Variants in ZDHHC23 observed in about 807,000 individuals in gnomAD.
ZDHHC23 encodes the protein zDHHC palmitoyltransferase 23, also known as palmitoyltransferase ZDHHC23.
In ZDHHC23, 41 loss-of-function variants were observed where a neutral mutation model predicts 40.2. That is an observed-to-expected ratio of 1.02 (90% CI 0.79 to 1.32). The LOEUF (loss-of-function observed/expected upper bound fraction) is 1.32. Ranked by LOEUF, ZDHHC23 falls within the 40% of genes most tolerant of loss-of-function variation. The pLI is 0.00. For missense variants in ZDHHC23, 471 were observed against 541.5 expected (o/e 0.87, Z 1.29); for synonymous variants, 204 against 210.2 (o/e 0.97, Z 0.26).
At chr3:113,967,501 TATA>T (rs559580123), downstream of ZDHHC23, among the ~76,000 whole-genome samples, 84 of 152,332 alleles carry the variant, frequency 5.5e-4, no homozygotes, top group Non-Finnish European at 9.8e-4. Flanking sequence ...GCTATCTTTT[TATA>T]ATATTTTTAT....
chr3:113,949,553 G>A (rs181729906), intron 2 of ZDHHC23, among the ~76,000 whole-genome samples: 2 of 152,186 alleles, frequency 1.3e-5, no homozygotes, highest in East Asian at 3.9e-4. Flanking sequence ...TCCAAGTGAT[G>A]GAAATTACTA....
At chr3:113,972,215 A>C in the ZDHHC23 span, among the ~76,000 whole-genome samples, 1 of 152,054 alleles carries the variant, frequency 6.6e-6, no homozygotes, top group African/African-American at 2.4e-5. Context: ...TATTGCTATA[A>C]ACTTCTCTCT....
the ZDHHC23 span, chr3:113,978,232 T>C: frequency 6.2e-7 from 1 of 1,614,092 alleles, no homozygotes; most frequent in Non-Finnish European, 8.5e-7. Flanking sequence ...TGAGAATCGA[T>C]CTTCACCTCC....
the ZDHHC23 span, among the ~76,000 whole-genome samples, chr3:113,973,748 T>C: frequency 6.6e-6 from 1 of 152,088 alleles, no homozygotes; most frequent in Non-Finnish European, 1.5e-5. Flanking sequence ...TTTAGGATCC[T>C]CTTTGTCCTT....
chr3:113,953,786 G>A lies in ZDHHC23; in HGVS notation c.248G>A (p.Arg83Lys). Residue 83 changes from arginine to lysine, a missense_variant, in exon 3 of 5, where the codon AGG becomes AAG. By Grantham distance (26) the Arg-to-Lys change is conservative. Transcript: ENST00000638807. ...GATCGCCTCCGAATTCCTTGGCTTA[G>A]GGGAGCCAAAAAAGTGAACATCAGC... ...ISDRLRIPWL[R>K]GAKKVNISII... 1 of 1,614,166 alleles carries A rather than the reference G, an allele frequency of 6.2e-7. No homozygotes were observed. The highest frequency in any genetic ancestry group is 8.5e-7 in the Non-Finnish European group (1 of 1,180,030).
In ZDHHC23 at chr3:113,953,730, G is replaced by C. The variant is rs368428707; in HGVS notation, c.192G>C (p.Glu64Asp). ...RWITCKSLQP[E>D]TCERIMDTIS... ...TTACATGTAAATCTTTACAGCCAGA[G>C]ACTTGTGAAAGAATCATGGATACAA... Residue 64 changes from glutamate to aspartate, a missense_variant, in exon 3 of 5, where the codon GAG (glutamate) becomes GAC (aspartate). This residue lies in a region of ZDHHC23 where 42 missense variants were observed against 73.9 expected (regional missense o/e 0.57). Transcript: ENST00000638807. 8 of 1,613,934 alleles carry C rather than the reference G, an allele frequency of 5.0e-6. No homozygotes were observed. Among genetic ancestry groups the C allele is most frequent in the Admixed American group, 1.7e-5 (1 of 60,006 alleles).
In ZDHHC23 at chr3:113,958,369, T is replaced by C; in HGVS notation, c.1047T>C (p.Ala349=). 2 of 1,610,908 alleles carry C rather than the reference T, an allele frequency of 1.2e-6. No homozygotes were observed. Among genetic ancestry groups the C allele is most frequent in the Non-Finnish European group, 1.7e-6 (2 of 1,177,282 alleles). Residue 349 remains alanine (A), a synonymous_variant, in exon 5 of 5, where the codon GCT becomes GCC. Transcript: ENST00000638807. ...CPGVYANYSS[A]LSFTCVWYSV... ...GCCTTTTTCCCTCTCCTAGCTCGGC[T>C]CTGTCCTTCACCTGCGTGTGGTACT...
Position 113,958,293 on chromosome 3 carries a change from C to T in ZDHHC23, c.1041-70C>T, listed in dbSNP as rs1240881857. 2.4e-5 allele frequency: 33 copies of T among 1,401,264 alleles called. No homozygotes were observed. The East Asian group carries it at 4.1e-4, about 18-fold the overall frequency. The allele number at this position is 1,401,264 out of a possible 1,614,324, so 86.8% of individuals were successfully genotyped here. A position where few individuals can be genotyped will look rare whatever the true frequency, so the allele number is the denominator to read the frequency against. On this transcript the variant is annotated intron_variant, in intron 4 of 4. Transcript: ENST00000638807. ...GTAATAAGTAAAAAAATGTGTAAAA[C>T]GTGAGAATGATGACAGTTTTCTGAA... is the stretch of plus-strand genomic sequence containing the variant.
rs1168526815 is a variant in ZDHHC23, at chr3:113,961,479, G to C, written c.*2849G>C. On this transcript the variant is annotated 3_prime_UTR_variant, in exon 5 of 5. Coordinates refer to ENST00000638807, the MANE Select transcript of ZDHHC23 (RefSeq NM_001320466.2). Reference sequence around the variant, plus strand: ...CCCACGGAGCACTTTTATGGTTCCAGCCGAGCGTTCCTGAAATGAACTGAC... The same window carrying C: ...CCCACGGAGCACTTTTATGGTTCCACCCGAGCGTTCCTGAAATGAACTGAC... The C allele has an allele frequency of 5.9e-5, 9 of 152,630 alleles. No individual in the cohort carries two copies. The highest frequency in any genetic ancestry group is 9.7e-5 in the African/African-American group (4 of 41,450). 9.5% of individuals were successfully genotyped at this position (152,630 alleles called of 1,614,324 possible). A position where few individuals can be genotyped will look rare whatever the true frequency, so the allele number is the denominator to read the frequency against.
the ZDHHC23 span, among the ~76,000 whole-genome samples, chr3:113,972,263 T>C: frequency 6.6e-6 from 1 of 152,116 alleles, no homozygotes; most frequent in African/African-American, 2.4e-5. Context: ...CCTATAGATT[T>C]TGATCTATGA....
In ZDHHC23 at chr3:113,958,996, C is replaced by A. The variant is rs1427525493; in HGVS notation, c.*366C>A. ...TAGTCCCTCTTTCGATTCTTAATAG[C>A]CATGTGACCCCTAGCTGAGTCACTT... On this transcript the variant is annotated 3_prime_UTR_variant, in exon 5 of 5. Coordinates refer to ENST00000638807, the MANE Select transcript of ZDHHC23 (RefSeq NM_001320466.2). 2.6e-6 allele frequency: 3 copies of A among 1,142,630 alleles called. No individual in the cohort carries two copies. The East Asian group carries it at 1.8e-4, about 67-fold the overall frequency. The allele number at this position is 1,142,630 out of a possible 1,614,324, so 70.8% of individuals were successfully genotyped here. A position where few individuals can be genotyped will look rare whatever the true frequency, so the allele number is the denominator to read the frequency against.
chr3:113,978,107 G>T, the ZDHHC23 span: 9 of 1,511,186 alleles, frequency 6.0e-6, no homozygotes, highest in Non-Finnish European at 8.2e-6. Flanking sequence ...CATCTCTGCA[G>T]ACACATTGTA....
In ZDHHC23 at chr3:113,954,102, C is replaced by T; in HGVS notation, c.564C>T (p.Ala188=). The change falls in exon 3 of 5, where the codon GCC becomes GCT. Residue 188 remains alanine (A), a synonymous_variant. Transcript: ENST00000638807. The part of the protein sequence containing the change: ...LFLILLALHR[A]KKNPGYLSNP... ...TGATACTCTTAGCCTTGCACAGAGC[C>T]AAGAAGAATCCAGGCTACCTCAGCA... 1 of 1,614,180 alleles carries T rather than the reference C, an allele frequency of 6.2e-7. No homozygotes were observed.
chr3:113,958,296 G>A lies in ZDHHC23; in HGVS notation c.1041-67G>A, dbSNP rs1187404430. The stretch of plus-strand genomic sequence containing the variant: ...ATAAGTAAAAAAATGTGTAAAACGT[G>A]AGAATGATGACAGTTTTCTGAATTT... On this transcript the variant is annotated intron_variant, in intron 4 of 4. Coordinates refer to ENST00000638807, the MANE Select transcript of ZDHHC23 (RefSeq NM_001320466.2). 11 of 1,424,228 alleles carry A rather than the reference G, an allele frequency of 7.7e-6. No individual in the cohort carries two copies. In the African/African-American group the frequency reaches 1.0e-4, roughly 13 times the overall value. The allele number at this position is 1,424,228 out of a possible 1,614,324, so 88.2% of individuals were successfully genotyped here.
In ZDHHC23 at chr3:113,959,981, C is replaced by G. The variant is rs1939575040; in HGVS notation, c.*1351C>G. 18 of 991,040 alleles carry G rather than the reference C, an allele frequency of 1.8e-5. No homozygotes were observed. Among genetic ancestry groups the G allele is most frequent in the Non-Finnish European group, 2.0e-5 (17 of 832,500 alleles). 61.4% of individuals were successfully genotyped at this position (991,040 alleles called of 1,614,324 possible). On this transcript the variant is annotated 3_prime_UTR_variant, in exon 5 of 5. Coordinates refer to ENST00000638807, the MANE Select transcript of ZDHHC23 (RefSeq NM_001320466.2). ...CTATAGAATTAAGATGAGGGAATTT[C>G]AGATGAGGAAAATACCCTTTTGAAA...
In ZDHHC23 at chr3:113,948,606, T is replaced by C. The variant is rs1467013649; in HGVS notation, c.-117-80T>C. 5.1e-5 allele frequency: 30 copies of C among 587,858 alleles called. No individual in the cohort carries two copies. The Admixed American group carries it at 9.1e-4, about 18-fold the overall frequency. The allele number at this position is 587,858 out of a possible 1,614,324, so 36.4% of individuals were successfully genotyped here. Reference sequence around the variant, plus strand: ...GACCTCCAAGAACCCTGGAGCCCCCTGTGTGGCCAGGCGGAGCCACAGAAG... The same window carrying C: ...GACCTCCAAGAACCCTGGAGCCCCCCGTGTGGCCAGGCGGAGCCACAGAAG... On this transcript the variant is annotated intron_variant, in intron 1 of 4. Coordinates refer to ENST00000638807, the MANE Select transcript of ZDHHC23 (RefSeq NM_001320466.2).
chr3:113,953,768 T>C lies in ZDHHC23; in HGVS notation c.230T>C (p.Leu77Pro). 6.2e-7 allele frequency: 1 copy of C among 1,614,172 alleles called. No homozygotes were observed. ...ERIMDTISDR[L>P]RIPWLRGAKK... Reference sequence around the variant, plus strand: ...ATCATGGATACAATTTCTGATCGCCTCCGAATTCCTTGGCTTAGGGGAGCC... The same window carrying C: ...ATCATGGATACAATTTCTGATCGCCCCCGAATTCCTTGGCTTAGGGGAGCC... Residue 77 changes from leucine (L) to proline (P), a missense_variant, in exon 3 of 5, where the codon CTC (leucine) becomes CCC (proline). Transcript: ENST00000638807.
Position 113,953,683 on chromosome 3 carries a change from G to C in ZDHHC23, c.162-17G>C. ...AACCCACATGAAGTCCCTCCTCTTTGTGCTTTTTCTGAATAGATGGATTAC... is the reference window on the plus strand; with the variant it reads ...AACCCACATGAAGTCCCTCCTCTTTCTGCTTTTTCTGAATAGATGGATTAC... On this transcript the variant is annotated splice_polypyrimidine_tract_variant and intron_variant, in intron 2 of 4. Coordinates refer to ENST00000638807, the MANE Select transcript of ZDHHC23 (RefSeq NM_001320466.2). The C allele has an allele frequency of 6.3e-7, 1 of 1,597,352 alleles. No homozygotes were observed. The highest frequency in any genetic ancestry group is 8.5e-7 in the Non-Finnish European group (1 of 1,170,312).
In ZDHHC23 at chr3:113,962,631, T is replaced by G. The variant is rs1364112953; in HGVS notation, c.*4001T>G. 6.6e-6 allele frequency: 1 copy of G among 152,252 alleles called. No homozygotes were observed. The highest frequency in any genetic ancestry group is 1.5e-5 in the Non-Finnish European group (1 of 68,042). 9.4% of individuals were successfully genotyped at this position (152,252 alleles called of 1,614,324 possible). The stretch of plus-strand genomic sequence containing the variant: ...TCAACTCATTGTGATCCTAATGGTC[T>G]GGGTGATTGGATGGTTTGAGTTGTT... On this transcript the variant is annotated 3_prime_UTR_variant, in exon 5 of 5. Transcript: ENST00000638807.
Sources: allele counts gnomAD v4.1 joint callset (sites outside exome capture counted in the v4.1 genomes callset), GRCh38; gene constraint gnomAD v4.1.1; regional missense constraint gnomAD v4.1.1; transcripts MANE v1.5; gene names NCBI Gene and HGNC (gene_info 2026-07-23, HGNC 2026-07-21).